The following DNAI4 variants were observed in gnomAD, a reference collection of about 807,000 sequenced individuals.
DNAI4 encodes WD repeat domain 78.
Under a neutral mutation model 105.8 loss-of-function variants are expected in DNAI4, and 85 were observed. The ratio of observed to expected loss-of-function variants is 0.80; its 90% CI spans 0.67 to 0.96. The LOEUF (loss-of-function observed/expected upper bound fraction) is 0.96, where lower values mean the gene tolerates loss of function less well. DNAI4 is among the 40% of genes least tolerant of loss of function. The probability of loss-of-function intolerance (pLI) is 0.00; values close to 1 mark genes in which losing one functional copy is unlikely to be tolerated. For synonymous variants in DNAI4, 352 were observed against 331.5 expected (o/e 1.06, Z -0.67); for missense variants, 1,014 against 1,005.6 (o/e 1.01, Z -0.11).
chr1:66,917,489 T>G (rs982056451), intron 1 of DNAI4, among the ~76,000 whole-genome samples: 3 of 152,200 alleles, frequency 2.0e-5, no homozygotes, highest in African/African-American at 7.2e-5. Flanking sequence ...AGGATTCTCA[T>G]GGAGAGCTGA....
intron 1 of DNAI4, among the ~76,000 whole-genome samples, chr1:66,920,059 G>A (rs954874926): frequency 1.3e-5 from 2 of 152,188 alleles, no homozygotes; most frequent in Non-Finnish European, 2.9e-5. Flanking sequence ...GTGTTTTCCT[G>A]CTTGAATGCT....
rs1296635489 is a variant in DNAI4, at chr1:66,857,526, T to C, written c.1096+4621A>G. ...AGAAAAGAAATAATGTTAAAGACTC[T>C]GCCCACAAATTTTTTTTTTTTTTTT... On this transcript the variant is annotated intron_variant, in intron 7 of 16. Coordinates refer to ENST00000371026, the MANE Select transcript of DNAI4 (RefSeq NM_024763.5). Among the ~76,000 whole-genome samples, 4 of 151,526 alleles carry C rather than the reference T, an allele frequency of 2.6e-5. No homozygotes were observed. In the East Asian group the frequency reaches 7.7e-4, roughly 29 times the overall value.
chr1:66,846,446 G>A (rs2100519982), intron 8 of DNAI4, among the ~76,000 whole-genome samples: 2 of 152,170 alleles, frequency 1.3e-5, no homozygotes, highest in South Asian at 4.2e-4. Flanking sequence ...AATACAATAG[G>A]CAAACATGGG....
chr1:66,814,560 C>A (rs577826029), intron 16 of DNAI4, among the ~76,000 whole-genome samples: 5 of 152,006 alleles, frequency 3.3e-5, no homozygotes, highest in Admixed American at 2.6e-4. Flanking sequence ...AGTAGAGATA[C>A]GGTTTCACTG....
chr1:66,825,306 A>C (rs1432913289), intron 15 of DNAI4, among the ~76,000 whole-genome samples: 2 of 150,538 alleles, frequency 1.3e-5, no homozygotes, highest in African/African-American at 4.9e-5. Flanking sequence ...CAGCCTCCCG[A>C]GTAGCTGGGA....
chr1:66,865,306 C>T (rs940846224), intron 6 of DNAI4, among the ~76,000 whole-genome samples: 2 of 152,162 alleles, frequency 1.3e-5, no homozygotes, highest in South Asian at 2.1e-4. Flanking sequence ...TGCCTGTAAT[C>T]GCAGCTACTT....
In DNAI4 at chr1:66,900,983, G is replaced by A. The variant is rs150478641; in HGVS notation, c.345+4218C>T. Reference sequence around the variant, plus strand: ...GTTCCTGATCATAAGGAGATTAAGTGCAATTAAGTATAATGTTAGCTGTGG... The same window carrying A: ...GTTCCTGATCATAAGGAGATTAAGTACAATTAAGTATAATGTTAGCTGTGG... On this transcript the variant is annotated intron_variant, in intron 2 of 16. Coordinates refer to ENST00000371026, the MANE Select transcript of DNAI4 (RefSeq NM_024763.5). Among the ~76,000 whole-genome samples the A allele has an allele frequency of 3.8e-3, 574 of 152,270 alleles. 3 individuals carry two copies. The highest frequency in any genetic ancestry group is 0.013 in the African/African-American group (528 of 41,556).
intron 8 of DNAI4, among the ~76,000 whole-genome samples, chr1:66,841,014 T>C (rs776781063): frequency 6.6e-6 from 1 of 152,196 alleles, no homozygotes; most frequent in Non-Finnish European, 1.5e-5. Flanking sequence ...CAACTTATCC[T>C]TCACCTTAGA....
At chr1:66,847,454 A>G in intron 8 of DNAI4, 30 bp downstream of exon 8, 1 of 1,596,712 alleles carries the variant, frequency 6.3e-7, no homozygotes, top group Non-Finnish European at 8.5e-7. Flanking sequence ...AACTGCACCC[A>G]GCCTAAACAT....
At chr1:66,857,678 G>A (rs1475540642) in intron 7 of DNAI4, among the ~76,000 whole-genome samples, 2 of 151,924 alleles carry the variant, frequency 1.3e-5, no homozygotes, top group Non-Finnish European at 2.9e-5. Context: ...GGGATTACAG[G>A]CATGAACCAC....
intron 4 of DNAI4, among the ~76,000 whole-genome samples, chr1:66,885,755 AT>A (rs1301121676): frequency 6.6e-6 from 1 of 152,024 alleles, no homozygotes; most frequent in African/African-American, 2.4e-5. Context: ...TATAGGTAAG[AT>A]TTTTTTCCTT....
intron 11 of DNAI4, among the ~76,000 whole-genome samples, chr1:66,835,008 C>G (rs1645949954): frequency 1.3e-5 from 2 of 152,062 alleles, no homozygotes; most frequent in South Asian, 4.1e-4. Context: ...TTACAAAAAC[C>G]TAGCCTTTTT....
chr1:66,840,750 C>T (rs11208967), intron 8 of DNAI4, 79 bp from the exon 9 acceptor site: 292,481 of 1,424,302 alleles, frequency 0.21, 34,230 homozygotes, highest in East Asian at 0.52. Flanking sequence ...AGCATATCTA[C>T]CCACCACTGA....
chr1:66,881,450 C>T (rs999434484), intron 4 of DNAI4, among the ~76,000 whole-genome samples: 1 of 152,172 alleles, frequency 6.6e-6, no homozygotes, highest in Non-Finnish European at 1.5e-5. Context: ...CAGTGTGACC[C>T]GGATGCAAGA....
At chr1:66,828,888 T>C (rs144009828) in intron 13 of DNAI4, among the ~76,000 whole-genome samples, 32 of 152,366 alleles carry the variant, frequency 2.1e-4, no homozygotes, top group Admixed American at 9.2e-4. Context: ...TTTTTTAATA[T>C]GGATACTTAT....
rs1646554782 is a variant in DNAI4, at chr1:66,858,552, G to GAAAAAAAAAAAA, written c.1096+3594_1096+3595insTTTTTTTTTTTT. On this transcript the variant is annotated intron_variant, in intron 7 of 16. Coordinates refer to ENST00000371026, the MANE Select transcript of DNAI4 (RefSeq NM_024763.5). ...CGTCTCAAAAAAAAAAAAAAAAAAT[G>GAAAAAAAAAAAA]CAAAAATCCTCAACAAAATATTAGC... Among the ~76,000 whole-genome samples the GAAAAAAAAAAAA allele has an allele frequency of 5.5e-5, 6 of 108,518 alleles. 1 individual carries two copies. Among genetic ancestry groups the GAAAAAAAAAAAA allele is most frequent in the Admixed American group, 9.4e-5 (1 of 10,616 alleles). The allele number at this position is 108,518 out of a possible 152,430, so 71.2% of individuals were successfully genotyped here. A position where few individuals can be genotyped will look rare whatever the true frequency, so the allele number is the denominator to read the frequency against.
intron 1 of DNAI4, among the ~76,000 whole-genome samples, chr1:66,920,862 A>C (rs1650433461): frequency 6.6e-6 from 1 of 152,276 alleles, no homozygotes; most frequent in Non-Finnish European, 1.5e-5. Context: ...GATGCCTTAC[A>C]CATTTACAAC....
chr1:66,891,051 G>A, intron 4 of DNAI4, 103 bp downstream of exon 4: 1 of 947,798 alleles, frequency 1.1e-6, no homozygotes, highest in Non-Finnish European at 1.7e-6. Flanking sequence ...CCAGCATTTG[G>A]AAATCATTAC....
chr1:66,833,772 G>A, intron 12 of DNAI4, 66 bp from the exon 13 acceptor site: 1 of 1,557,404 alleles, frequency 6.4e-7, no homozygotes, highest in Non-Finnish European at 8.7e-7. Context: ...CAAATATCAT[G>A]TGTGTTTCTC....
Sources: gnomAD v4.1 joint callset for allele counts (sites outside exome capture counted in the v4.1 genomes callset) on GRCh38, gnomAD v4.1.1 for gene constraint, MANE v1.5 for transcripts, NCBI Gene and HGNC (gene_info 2026-07-23, HGNC 2026-07-21) for gene names.